GRID2: variants seen among roughly 807,000 people sequenced by gnomAD.
The protein encoded by GRID2 is glutamate receptor ionotropic, delta-2.
In GRID2, 33 loss-of-function variants were observed where a neutral mutation model predicts 114.8. The observed-to-expected ratio is 0.29, with a 90% CI of 0.22 to 0.38. GRID2 has a LOEUF of 0.38. Ranked by LOEUF, GRID2 falls within the 10% of genes least tolerant of loss-of-function variation. The probability of loss-of-function intolerance (pLI) is 1.00; values close to 1 mark genes in which losing one functional copy is unlikely to be tolerated. For missense variants in GRID2, 1,184 were observed against 1,257.7 expected, an observed-to-expected ratio of 0.94 and a Z score of 0.89; for synonymous variants, 505 against 449.9, an observed-to-expected ratio of 1.12 and a Z score of -1.55.
At chr4:92,406,371 A>T (rs922476119) in intron 1 of GRID2, among the ~76,000 whole-genome samples, 1 of 152,170 alleles carries the variant, frequency 6.6e-6, no homozygotes, top group Non-Finnish European at 1.5e-5. Context: ...AAAAGTTACT[A>T]TCATTATAAT....
chr4:92,516,945 T>C (rs2149136178), intron 1 of GRID2, among the ~76,000 whole-genome samples: 1 of 152,078 alleles, frequency 6.6e-6, no homozygotes, highest in Non-Finnish European at 1.5e-5. Flanking sequence ...AGCTCTGTTT[T>C]CATTTTAAGG....
At chr4:92,864,668 A>G (rs1744744108) in intron 2 of GRID2, among the ~76,000 whole-genome samples, 1 of 152,200 alleles carries the variant, frequency 6.6e-6, no homozygotes, top group African/African-American at 2.4e-5. Context: ...ATCCATTGAT[A>G]CATAGATACT....
intron 1 of GRID2, among the ~76,000 whole-genome samples, chr4:92,511,809 A>G (rs1310211874): frequency 6.6e-6 from 1 of 151,924 alleles, no homozygotes; most frequent in South Asian, 2.1e-4. Context: ...TAATTGAAAT[A>G]AAATACACAT....
intron 1 of GRID2, among the ~76,000 whole-genome samples, chr4:92,388,251 C>A (rs1346446610): frequency 6.6e-6 from 1 of 151,994 alleles, no homozygotes; most frequent in African/African-American, 2.4e-5. Context: ...CTTTTTAGGT[C>A]ATTGGCTGTT....
Position 93,803,116 on chromosome 4 carries a change from C to G in GRID2, c.222-3599C>G, listed in dbSNP as rs1223869435. 2.0e-5 allele frequency among the ~76,000 whole-genome samples: 3 copies of G among 152,306 alleles called. No homozygotes were observed. The East Asian group carries it at 5.8e-4, about 29-fold the overall frequency. On this transcript the variant is annotated intron_variant, in intron 1 of 1. Coordinates refer to the GRID2 transcript ENST00000637838. ...GGAATTTTGTAGCCTGAAGGAACTA[C>G]AGTGATCTTTAAATTCATTTACAGG...
At chr4:93,277,601 T>C (rs1357454725) in intron 8 of GRID2, among the ~76,000 whole-genome samples, 1 of 151,984 alleles carries the variant, frequency 6.6e-6, no homozygotes, top group Non-Finnish European at 1.5e-5. Context: ...ACCTATTATG[T>C]AATTATTTAC....
chr4:93,628,119 A>T (rs1015376006), intron 14 of GRID2, among the ~76,000 whole-genome samples: 12 of 152,186 alleles, frequency 7.9e-5, no homozygotes, highest in African/African-American at 2.9e-4. Flanking sequence ...GGTTATAGTG[A>T]GCCAAAAGTG....
At chr4:93,405,109 T>A (rs1560585948) in intron 9 of GRID2, among the ~76,000 whole-genome samples, 1 of 152,130 alleles carries the variant, frequency 6.6e-6, no homozygotes, top group Non-Finnish European at 1.5e-5. Flanking sequence ...ATTTTTATTA[T>A]TGAAACAGTG....
intron 1 of GRID2, among the ~76,000 whole-genome samples, chr4:92,355,099 A>G (rs1040920892): frequency 2.6e-5 from 4 of 151,880 alleles, no homozygotes; most frequent in Non-Finnish European, 4.4e-5. Flanking sequence ...CTAATCATCA[A>G]TATATGATGC....
At position 92,432,761 on chromosome 4, in the gene GRID2, G is replaced by A. The variant is rs531719561; in HGVS notation, c.88+128017G>A. Among the ~76,000 whole-genome samples the A allele has an allele frequency of 3.9e-5, 6 of 152,174 alleles. No individual in the cohort carries two copies. The East Asian group carries it at 1.2e-3, about 30-fold the overall frequency. On this transcript the variant is annotated intron_variant, in intron 1 of 15. Coordinates refer to ENST00000282020, the MANE Select transcript of GRID2 (RefSeq NM_001510.4). ...CAACTGTGGCTGAGCTGCTACTCAA[G>A]CTTCAATATAAAGTCCCCTTTACTC...
rs34763143 is a variant in GRID2 at position 92,972,906 on chromosome 4, CTCTA to C, written c.245-112083_245-112080del. ...AGTTGGCTAAGATAATGACCTCCAG[CTCTA>C]TCTATGTCCCTGCAAAGGAAATGAT... On this transcript the variant is annotated intron_variant, in intron 2 of 15. Transcript: ENST00000282020. 4.2e-3 allele frequency among the ~76,000 whole-genome samples: 636 copies of C among 152,196 alleles called. 2 individuals are homozygous for C. Among genetic ancestry groups the C allele is most frequent in the African/African-American group, 0.015 (608 of 41,530 alleles).
intron 2 of GRID2, among the ~76,000 whole-genome samples, chr4:92,893,591 CT>C (rs1269489075): frequency 1.3e-5 from 2 of 151,758 alleles, no homozygotes; most frequent in South Asian, 4.2e-4. Context: ...CCATGTGTAA[CT>C]TTTTTTTTCC....
chr4:92,908,690 T>C (rs1052929069), intron 2 of GRID2, among the ~76,000 whole-genome samples: 9 of 152,284 alleles, frequency 5.9e-5, no homozygotes, highest in African/African-American at 2.2e-4. Context: ...ATGTTATAGA[T>C]GAATTCTTAA....
intron 11 of GRID2, among the ~76,000 whole-genome samples, chr4:93,479,241 A>G (rs1725621425): frequency 6.6e-6 from 1 of 152,132 alleles, no homozygotes; most frequent in African/African-American, 2.4e-5. Context: ...ATGGAGAGAC[A>G]TGAAGTAAGC....
rs115155917 is a variant in GRID2 at position 93,224,079 on chromosome 4, A to T, written c.964-535A>T. ...CCTTGATCACTATAATACATATAAA[A>T]GATTGTGTTCTTTCATTATTTCATT... is the stretch of plus-strand genomic sequence containing the variant. On this transcript the variant is annotated intron_variant, in intron 6 of 15. Coordinates refer to ENST00000282020, the MANE Select transcript of GRID2 (RefSeq NM_001510.4). 9.0e-3 allele frequency among the ~76,000 whole-genome samples: 1,364 copies of T among 152,282 alleles called. 20 individuals carry two copies. Among genetic ancestry groups the T allele is most frequent in the African/African-American group, 0.031 (1,293 of 41,576 alleles).
chr4:92,979,334 T>C (rs1754048563), intron 2 of GRID2, among the ~76,000 whole-genome samples: 1 of 152,046 alleles, frequency 6.6e-6, no homozygotes, highest in South Asian at 2.1e-4. Context: ...GTAGCTCCCT[T>C]TATAATTTAT....
chr4:93,714,664 C>T (rs1012085264), intron 14 of GRID2, among the ~76,000 whole-genome samples: 8 of 152,148 alleles, frequency 5.3e-5, no homozygotes, highest in Admixed American at 1.3e-4. Context: ...TTTTGATTTG[C>T]ATTTCTCTAA....
intron 2 of GRID2, among the ~76,000 whole-genome samples, chr4:92,935,174 A>T (rs1371383518): frequency 5.5e-5 from 8 of 146,012 alleles, no homozygotes; most frequent in Non-Finnish European, 1.1e-4. Context: ...TCTACAATGA[A>T]CTCAAACAAA....
intron 8 of GRID2, among the ~76,000 whole-genome samples, chr4:93,339,150 G>A (rs1435611573): frequency 6.6e-6 from 1 of 152,154 alleles, no homozygotes; most frequent in Non-Finnish European, 1.5e-5. Context: ...GACCACTAAT[G>A]CCAACCTGAT....
Sources: allele counts gnomAD v4.1 joint callset (sites outside exome capture counted in the v4.1 genomes callset), GRCh38; gene constraint gnomAD v4.1.1; transcripts MANE v1.5; gene names NCBI Gene and HGNC (gene_info 2026-07-23, HGNC 2026-07-21).